CRK: variants seen among roughly 807,000 people sequenced by gnomAD.
CRK encodes adapter molecule crk.
CRK carries 4 observed loss-of-function variants against 29.8 expected under a neutral mutation model. That is an observed-to-expected ratio of 0.13 (90% CI 0.07 to 0.31). The LOEUF (loss-of-function observed/expected upper bound fraction) is 0.31. CRK is among the 10% of genes least tolerant of loss of function. The pLI, the probability that CRK is intolerant of heterozygous loss-of-function variation, is 1.00. For synonymous variants in CRK, 153 were observed against 164.9 expected, an observed-to-expected ratio of 0.93 and a Z score of 0.55; for missense variants, 274 against 396.5, an observed-to-expected ratio of 0.69 and a Z score of 2.62.
At chr17:1,455,369 G>A (rs1023597382) in intron 1 of CRK, among the ~76,000 whole-genome samples, 14 of 152,208 alleles carry the variant, frequency 9.2e-5, no homozygotes, top group African/African-American at 2.9e-4. Context: ...TTTCCTGAGG[G>A]TGTCTCCATC....
Position 1,456,051 on chromosome 17 carries a change from C to T in CRK, c.67G>A (p.Ala23Thr), listed in dbSNP as rs1413934422. The change falls in exon 1 of 3, where the codon GCG becomes ACG. Residue 23 changes from alanine to threonine, a missense_variant. Physicochemically the swap from Ala to Thr is moderately conservative, Grantham distance 58 (BLOSUM62 0). Around this residue, in one of 3 missense-constraint regions of CRK, gnomAD observed 135 missense variants for 180.9 expected, o/e 0.75. Coordinates refer to ENST00000300574, the MANE Select transcript of CRK (RefSeq NM_016823.4). ...CGCTGGCCCTGCAGCAGCGCCACCGCCTCCTGCCGACTCAACCTCCCCCAG... is the reference window on the plus strand; with the variant it reads ...CGCTGGCCCTGCAGCAGCGCCACCGTCTCCTGCCGACTCAACCTCCCCCAG... ...WYWGRLSRQE[A>T]VALLQGQRHG... 3 of 1,593,650 alleles carry T rather than the reference C, an allele frequency of 1.9e-6. No individual in the cohort carries two copies. Among genetic ancestry groups the T allele is most frequent in the Admixed American group, 1.7e-5 (1 of 58,350 alleles).
intron 1 of CRK, among the ~76,000 whole-genome samples, chr17:1,449,473 C>A (rs2074001880): frequency 6.6e-6 from 1 of 152,132 alleles, no homozygotes. Flanking sequence ...ATTCCAACAA[C>A]CCTATGAGAT....
Position 1,423,912 on chromosome 17 carries a change from A to T in CRK, c.778-262T>A, listed in dbSNP as rs529368438. Among the ~76,000 whole-genome samples, 8 of 152,314 alleles carry T rather than the reference A, an allele frequency of 5.3e-5. No homozygotes were observed. In the South Asian group the frequency reaches 1.7e-3, roughly 32 times the overall value. ...TTCCAGATAATGATACTTTTTGATTAAAAAAGGAAAGTGATAATTATTGGA... is the reference window on the plus strand; with the variant it reads ...TTCCAGATAATGATACTTTTTGATTTAAAAAGGAAAGTGATAATTATTGGA... On this transcript the variant is annotated intron_variant, in intron 2 of 2. Transcript: ENST00000300574.
chr17:1,449,953 C>T lies in CRK; in HGVS notation c.241+5924G>A, dbSNP rs772826228. On this transcript the variant is annotated intron_variant, in intron 1 of 2. Coordinates refer to ENST00000300574, the MANE Select transcript of CRK (RefSeq NM_016823.4). ...GTGGCTCACGCCTGTAATCCTAACA[C>T]TTTGGGAGGTCAAGGCAGGTGGATT... is the stretch of plus-strand genomic sequence containing the variant. 6.6e-5 allele frequency among the ~76,000 whole-genome samples: 10 copies of T among 152,324 alleles called. No homozygotes were observed. In the South Asian group the frequency reaches 1.2e-3, roughly 19 times the overall value.
chr17:1,446,114 C>T (rs2073972924), intron 1 of CRK, among the ~76,000 whole-genome samples: 1 of 152,122 alleles, frequency 6.6e-6, no homozygotes, highest in Non-Finnish European at 1.5e-5. Context: ...AAGCTAAGCA[C>T]AATGCCTTCC....
rs1334260488 is a variant in CRK at position 1,437,331 on chromosome 17, AGCCCACCACTGTGCCTG to A, written c.242-193_242-177del. Among the ~76,000 whole-genome samples the A allele has an allele frequency of 2.6e-5, 4 of 151,914 alleles. No individual in the cohort carries two copies. The South Asian group carries it at 8.3e-4, about 32-fold the overall frequency. On this transcript the variant is annotated intron_variant, in intron 1 of 2. Coordinates refer to ENST00000300574, the MANE Select transcript of CRK (RefSeq NM_016823.4). ...ACTCCTGAGTAGCTGGGACTACAGGAGCCCACCACTGTGCCTGGCCGAAATGGAGCTTTCATGCATGC... is the reference window on the plus strand; with the variant it reads ...ACTCCTGAGTAGCTGGGACTACAGGAGCCGAAATGGAGCTTTCATGCATGC...
intron 1 of CRK, among the ~76,000 whole-genome samples, chr17:1,440,175 T>C (rs2073923118): frequency 6.6e-6 from 1 of 151,946 alleles, no homozygotes; most frequent in African/African-American, 2.4e-5. Context: ...GGTGGGCACC[T>C]GTAGTCCCAG....
At chr17:1,425,370 G>C (rs1295247818) in intron 2 of CRK, among the ~76,000 whole-genome samples, 1 of 151,996 alleles carries the variant, frequency 6.6e-6, no homozygotes, top group Non-Finnish European at 1.5e-5. Flanking sequence ...ATGATTACAG[G>C]TGTGAGCCAC....
rs1450451803 is a variant in CRK at position 1,441,119 on chromosome 17, G to A, written c.242-3964C>T. ...CCCAACTAATTTTTTGTAGTAATGG[G>A]ATTTCGCCATGTTGCCCAAGCCAGT... On this transcript the variant is annotated intron_variant, in intron 1 of 2. Coordinates refer to ENST00000300574, the MANE Select transcript of CRK (RefSeq NM_016823.4). Among the ~76,000 whole-genome samples, 4 of 151,978 alleles carry A rather than the reference G, an allele frequency of 2.6e-5. No homozygotes were observed. In the East Asian group the frequency reaches 7.8e-4, roughly 30 times the overall value.
intron 1 of CRK, among the ~76,000 whole-genome samples, chr17:1,442,698 T>G (rs973320658): frequency 1.2e-4 from 16 of 128,952 alleles, no homozygotes; most frequent in African/African-American, 4.7e-4. Context: ...ACCTCCACCC[T>G]CTGTGTTCAA....
intron 1 of CRK, among the ~76,000 whole-genome samples, chr17:1,444,015 A>G (rs76157345): frequency 5.3e-5 from 8 of 150,752 alleles, no homozygotes; most frequent in African/African-American, 2.0e-4. Flanking sequence ...TTTTTTTTTA[A>G]TAACGGGGTT....
chr17:1,444,356 C>G (rs903020036), intron 1 of CRK, among the ~76,000 whole-genome samples: 2 of 152,036 alleles, frequency 1.3e-5, no homozygotes, highest in African/African-American at 4.8e-5. Context: ...ACAGTAAGAA[C>G]CCATCTCTAC....
At chr17:1,439,864 T>C (rs2048187) in intron 1 of CRK, among the ~76,000 whole-genome samples, 77,945 of 151,430 alleles carry the variant, frequency 0.51, 20,969 homozygotes, top group South Asian at 0.63. Flanking sequence ...AAAAAGAAAA[T>C]GAATTTTGTT....
At chr17:1,445,880 T>C (rs2073971073) in intron 1 of CRK, among the ~76,000 whole-genome samples, 1 of 152,218 alleles carries the variant, frequency 6.6e-6, no homozygotes, top group Non-Finnish European at 1.5e-5. Context: ...TTCTATTAGT[T>C]GTCCTTTTGG....
chr17:1,455,878 G>A lies in CRK; in HGVS notation c.240C>T (p.Pro80=), dbSNP rs775862995. The stretch of plus-strand genomic sequence containing the variant: ...CCCGCCGTCCCGTCAGTCCCTCACC[G>A]GGCGGAGGCTGGGCGGGCGACGGTG... ...PVPPSPAQPP[P]GVSPSRLRIG... The change falls in exon 1 of 3, where the codon CCC becomes CCT. Residue 80 remains proline (P), a splice_region_variant and synonymous_variant. Transcript: ENST00000300574. The A allele has an allele frequency of 7.6e-6, 12 of 1,581,040 alleles. No individual in the cohort carries two copies. The East Asian group carries it at 9.6e-5, about 13-fold the overall frequency.
chr17:1,456,167 C>T lies in CRK; in HGVS notation c.-50G>A. The T allele has an allele frequency of 7.2e-7, 1 of 1,394,074 alleles. No homozygotes were observed. Among genetic ancestry groups the T allele is most frequent in the Non-Finnish European group, 9.3e-7 (1 of 1,078,290 alleles). 86.4% of individuals were successfully genotyped at this position (1,394,074 alleles called of 1,614,324 possible). ...GGGTGCCGCCGCCGCGCGCGCCCCTCCGGCCCCCGGCGCCCGCCGCCCAGC... is the reference window on the plus strand; with the variant it reads ...GGGTGCCGCCGCCGCGCGCGCCCCTTCGGCCCCCGGCGCCCGCCGCCCAGC... On this transcript the variant is annotated 5_prime_UTR_variant, in exon 1 of 3. Coordinates refer to ENST00000300574, the MANE Select transcript of CRK (RefSeq NM_016823.4).
intron 2 of CRK, among the ~76,000 whole-genome samples, chr17:1,425,644 G>C (rs559500446): frequency 6.6e-6 from 1 of 152,360 alleles, no homozygotes; most frequent in South Asian, 2.1e-4. Context: ...CTTGTACTGG[G>C]TTCCCTAAAA....
chr17:1,453,507 C>T (rs766336855), intron 1 of CRK, among the ~76,000 whole-genome samples: 4 of 152,138 alleles, frequency 2.6e-5, no homozygotes, highest in Admixed American at 1.3e-4. Context: ...TCAGGGCCAA[C>T]ACAGGTACAT....
chr17:1,456,069 T>G lies in CRK; in HGVS notation c.49A>C (p.Arg17=), dbSNP rs2229075. 0.72 allele frequency: 1,148,280 copies of G among 1,589,120 alleles called. 416,484 individuals are homozygous for G. The highest frequency in any genetic ancestry group is 0.89 in the African/African-American group (63,683 of 71,868). Residue 17 remains arginine, a synonymous_variant, in exon 1 of 3, where the codon AGG becomes CGG. Transcript: ENST00000300574. The part of the protein sequence containing the change: ...SEERSSWYWG[R]LSRQEAVALL... ...GCCACCGCCTCCTGCCGACTCAACCTCCCCCAGTACCAGCTACTCCGCTCC... is the reference window on the plus strand; with the variant it reads ...GCCACCGCCTCCTGCCGACTCAACCGCCCCCAGTACCAGCTACTCCGCTCC...
Sources: allele counts gnomAD v4.1 joint callset (sites outside exome capture counted in the v4.1 genomes callset), GRCh38; gene constraint gnomAD v4.1.1; regional missense constraint gnomAD v4.1.1; transcripts MANE v1.5; gene names NCBI Gene and HGNC (gene_info 2026-07-23, HGNC 2026-07-21).